Variants in CDH23 observed in about 807,000 individuals in gnomAD.
CDH23 encodes cadherin-23.
In CDH23, 189 loss-of-function variants were observed where a neutral mutation model predicts 317.1. The ratio of observed to expected loss-of-function variants is 0.60; its 90% confidence interval spans 0.53 to 0.67. CDH23 has a LOEUF of 0.67. CDH23 is among the 30% of genes least tolerant of loss of function. The pLI, the probability that CDH23 is intolerant of heterozygous loss-of-function variation, is 0.00. For missense variants in CDH23, 4,401 were observed against 4,592.4 expected (o/e 0.96, Z 1.20); for synonymous variants, 1,839 against 1,876.8 (o/e 0.98, Z 0.52).
intron 38 of CDH23, among the ~76,000 whole-genome samples, chr10:71,760,300 T>C: frequency 9.3e-6 from 1 of 107,914 alleles, no homozygotes; most frequent in Non-Finnish European, 2.2e-5. Context: ...TGTATATATA[T>C]GTATATACAC....
chr10:71,800,853 G>C, intron 53 of CDH23, 98 bp downstream of exon 53: 4 of 1,500,058 alleles, frequency 2.7e-6, no homozygotes, highest in Non-Finnish European at 2.7e-6. Flanking sequence ...ACTGGGAGCA[G>C]AGCCCCCCGG....
At position 71,785,677 on chromosome 10, in the gene CDH23, C is replaced by A; in HGVS notation, c.5759C>A (p.Pro1920Gln). 1 of 1,608,808 alleles carries A rather than the reference C, an allele frequency of 6.2e-7. No individual in the cohort carries two copies. The highest frequency in any genetic ancestry group is 1.1e-5 in the South Asian group (1 of 89,534). Residue 1920 changes from proline to glutamine, a missense_variant, in exon 44 of 70, where the codon CCA (proline) becomes CAA (glutamine). Pro to Gln is a moderately conservative substitution (Grantham distance 76, BLOSUM62 -1). This residue lies in a region of CDH23 where 3,068 missense variants were observed against 3,203.3 expected (regional missense o/e 0.96). Transcript: ENST00000224721. ...CGGCCCCTGGACCGCGAGCGGATCC[C>A]AGAGTACAAGCTGACCATTTCTGTG... Reference protein sequence around the residue: ...VNRPLDRERIPEYKLTISVKD... With the variant: ...VNRPLDRERIQEYKLTISVKD...
chr10:71,656,957 C>A (rs755386597), intron 14 of CDH23, among the ~76,000 whole-genome samples: 3 of 152,178 alleles, frequency 2.0e-5, no homozygotes, highest in Non-Finnish European at 2.9e-5. Context: ...AGCTGGAGAC[C>A]TGCCCTGAGG....
intron 3 of CDH23, among the ~76,000 whole-genome samples, chr10:71,478,789 C>T (rs145964470): frequency 1.3e-5 from 2 of 152,248 alleles, no homozygotes; most frequent in East Asian, 1.9e-4. Context: ...TCTAAGAGCC[C>T]GTCTCCAAAG....
chr10:71,799,137 G>T lies in CDH23; in HGVS notation c.7081G>T (p.Asp2361Tyr), dbSNP rs765403330. ...GAAGGTCATTGCCAACCGGACAGTG[G>T]ACTACGAGGAGGTGCACTGGCTCAA... Reference protein sequence around the residue: ...AGKVIANRTVDYEEVHWLNFT... With the variant: ...AGKVIANRTVYYEEVHWLNFT... Residue 2361 changes from aspartate (D) to tyrosine (Y), a missense_variant, in exon 51 of 70, where the codon GAC becomes TAC. By Grantham distance (160) the Asp-to-Tyr change is radical. Transcript: ENST00000224721. 1 of 1,613,984 alleles carries T rather than the reference G, an allele frequency of 6.2e-7. No individual in the cohort carries two copies. Among genetic ancestry groups the T allele is most frequent in the African/African-American group, 1.3e-5 (1 of 75,062 alleles).
At chr10:71,548,831 C>T (rs1589193437) in intron 6 of CDH23, among the ~76,000 whole-genome samples, 2 of 152,336 alleles carry the variant, frequency 1.3e-5, no homozygotes, top group East Asian at 1.9e-4. Flanking sequence ...TAGGCAAAGC[C>T]TTCCAGAGAG....
intron 1 of CDH23, among the ~76,000 whole-genome samples, chr10:71,425,656 C>G (rs1284711083): frequency 2.0e-5 from 3 of 152,180 alleles, no homozygotes; most frequent in Non-Finnish European, 2.9e-5. Flanking sequence ...TTGCAGCCTG[C>G]ATGGGGTTCT....
Position 71,513,128 on chromosome 10 carries a change from G to A in CDH23, c.429+1916G>A, listed in dbSNP as rs368717104. The stretch of plus-strand genomic sequence containing the variant: ...AGGAGCCAGCTGCAAAGGACACACC[G>A]TCCTTGGAGGAAGGCCCACATGGTT... On this transcript the variant is annotated intron_variant, in intron 6 of 69. Transcript: ENST00000224721. Among the ~76,000 whole-genome samples the A allele has an allele frequency of 4.0e-4, 61 of 152,308 alleles. 1 individual carries two copies. The highest frequency in any genetic ancestry group is 1.4e-3 in the Admixed American group (22 of 15,302).
intron 9 of CDH23, among the ~76,000 whole-genome samples, chr10:71,598,869 A>G (rs1022573924): frequency 2.2e-4 from 34 of 152,352 alleles, no homozygotes; most frequent in African/African-American, 7.7e-4. Flanking sequence ...TCATTCATCA[A>G]GCATTCTCTG....
intron 26 of CDH23, among the ~76,000 whole-genome samples, chr10:71,708,412 G>A (rs1037940770): frequency 1.3e-5 from 2 of 152,214 alleles, no homozygotes; most frequent in Non-Finnish European, 2.9e-5. Flanking sequence ...ACACCACACT[G>A]CTCGCCAGCT....
intron 11 of CDH23, among the ~76,000 whole-genome samples, chr10:71,625,934 A>G (rs1459269363): frequency 1.3e-5 from 2 of 152,224 alleles, no homozygotes; most frequent in African/African-American, 2.4e-5. Context: ...TGGTATTAGC[A>G]TTACCTGTGG....
chr10:71,778,055 G>A (rs1840859566), intron 39 of CDH23, 134 bp from the exon 40 acceptor site: 2 of 1,451,526 alleles, frequency 1.4e-6, no homozygotes, highest in Non-Finnish European at 1.9e-6. Context: ...TTGGTGGAGT[G>A]GAGCCTGGGC....
intron 38 of CDH23, among the ~76,000 whole-genome samples, chr10:71,743,768 A>G (rs2132850749): frequency 6.6e-6 from 1 of 152,346 alleles, no homozygotes; most frequent in South Asian, 2.1e-4. Flanking sequence ...AGCATTTGTG[A>G]AGTAACAGAA....
intron 12 of CDH23, among the ~76,000 whole-genome samples, chr10:71,645,466 C>A (rs1862793093): frequency 6.6e-6 from 1 of 152,220 alleles, no homozygotes; most frequent in African/African-American, 2.4e-5. Context: ...CTCTCCTCCT[C>A]CTTCCTCTGT....
chr10:71,720,134 G>T (rs1050730283), intron 28 of CDH23, among the ~76,000 whole-genome samples: 3 of 152,224 alleles, frequency 2.0e-5, no homozygotes, highest in African/African-American at 4.8e-5. Context: ...CTGGAGAGGG[G>T]CTACAAGCCA....
chr10:71,542,894 C>T (rs1034452627), intron 6 of CDH23, among the ~76,000 whole-genome samples: 3 of 152,240 alleles, frequency 2.0e-5, no homozygotes, highest in Non-Finnish European at 2.9e-5. Context: ...AGGGTGGCAG[C>T]GTGCAGGGGG....
intron 41 of CDH23, among the ~76,000 whole-genome samples, chr10:71,783,527 T>G (rs1158182265): frequency 6.6e-6 from 1 of 152,238 alleles, no homozygotes; most frequent in African/African-American, 2.4e-5. Flanking sequence ...CTGGACGGTC[T>G]CTGGGCTGCC....
chr10:71,793,022 A>G (rs947585498), intron 47 of CDH23, among the ~76,000 whole-genome samples, 160 bp from the exon 48 acceptor site: 13 of 151,914 alleles, frequency 8.6e-5, no homozygotes, highest in Non-Finnish European at 1.8e-4. Context: ...ATAACATGCC[A>G]TTTTCCTATA....
chr10:71,638,722 G>C (rs1862390982), intron 11 of CDH23, among the ~76,000 whole-genome samples: 1 of 152,214 alleles, frequency 6.6e-6, no homozygotes, highest in South Asian at 2.1e-4. Context: ...CAACATGTAA[G>C]CTCAACAAAC....
Sources: allele counts gnomAD v4.1 joint callset (sites outside exome capture counted in the v4.1 genomes callset), GRCh38; gene constraint gnomAD v4.1.1; regional missense constraint gnomAD v4.1.1; transcripts MANE v1.5; gene names NCBI Gene and HGNC (gene_info 2026-07-23, HGNC 2026-07-21).